Variants in FIP1L1 observed in about 807,000 individuals in gnomAD.
FIP1L1 encodes the protein pre-mRNA 3'-end-processing factor FIP1.
A neutral mutation model predicts 84.6 loss-of-function variants in FIP1L1; 21 were observed. The observed-to-expected ratio is 0.25, with a 90% CI of 0.18 to 0.36. The LOEUF (loss-of-function observed/expected upper bound fraction) is 0.36, where lower values mean the gene tolerates loss of function less well. Ranked by LOEUF, FIP1L1 falls within the 10% of genes least tolerant of loss-of-function variation. The pLI, the probability that FIP1L1 is intolerant of heterozygous loss-of-function variation, is 1.00. For synonymous variants in FIP1L1, 263 were observed against 242.3 expected, an observed-to-expected ratio of 1.09 and a Z score of -0.80; for missense variants, 526 against 751.1, an observed-to-expected ratio of 0.70 and a Z score of 3.50.
At chr4:53,381,888 G>A (rs148023513) in intron 3 of FIP1L1, among the ~76,000 whole-genome samples, 14 of 150,136 alleles carry the variant, frequency 9.3e-5, no homozygotes, top group African/African-American at 1.7e-4. Flanking sequence ...TCAGCCTTCC[G>A]AGTAGCTGGG....
Position 53,416,704 on chromosome 4 carries a change from C to T in FIP1L1, c.923+1982C>T, listed in dbSNP as rs1406455107. Reference sequence around the variant, plus strand: ...AATAGGCCAGGTGTGGTGGCTCACACATGTAATCCCAGCACTTTGGGAGAC... The same window carrying T: ...AATAGGCCAGGTGTGGTGGCTCACATATGTAATCCCAGCACTTTGGGAGAC... On this transcript the variant is annotated intron_variant, in intron 11 of 17. Transcript: ENST00000337488. 3.3e-5 allele frequency among the ~76,000 whole-genome samples: 5 copies of T among 152,180 alleles called. No homozygotes were observed. In the East Asian group the frequency reaches 5.8e-4, roughly 18 times the overall value.
At chr4:53,428,463 T>C (rs1765215316) in intron 13 of FIP1L1, among the ~76,000 whole-genome samples, 1 of 152,218 alleles carries the variant, frequency 6.6e-6, no homozygotes, top group South Asian at 2.1e-4. Context: ...ATAGAATATG[T>C]ATAAATCCAT....
chr4:53,420,804 A>T (rs1042375744), intron 11 of FIP1L1, among the ~76,000 whole-genome samples: 2 of 152,166 alleles, frequency 1.3e-5, no homozygotes, highest in Admixed American at 1.3e-4. Context: ...AAACTAAAAG[A>T]TCTGTAGAAA....
chr4:53,418,176 C>T (rs911253938), intron 11 of FIP1L1, among the ~76,000 whole-genome samples: 1 of 152,110 alleles, frequency 6.6e-6, no homozygotes, highest in African/African-American at 2.4e-5. Context: ...GTGGCCCCAG[C>T]TACCTGGGAG....
In FIP1L1 at chr4:53,440,219, T is replaced by G. The variant is rs201198179; in HGVS notation, c.1175-2434T>G. Among the ~76,000 whole-genome samples, 3 of 152,168 alleles carry G rather than the reference T, an allele frequency of 2.0e-5. No individual in the cohort carries two copies. In the East Asian group the frequency reaches 5.8e-4, roughly 29 times the overall value. On this transcript the variant is annotated intron_variant, in intron 13 of 17. Coordinates refer to ENST00000337488, the MANE Select transcript of FIP1L1 (RefSeq NM_030917.4). ...TTAGAGAAAGAACCCACAGATCAGT[T>G]TTTCTATTAAAATGTTAAAATAACA...
At chr4:53,416,274 G>C (rs1759456845) in intron 11 of FIP1L1, among the ~76,000 whole-genome samples, 1 of 152,170 alleles carries the variant, frequency 6.6e-6, no homozygotes, top group South Asian at 2.1e-4. Flanking sequence ...CAGACAACAA[G>C]AACTTATAAA....
intron 10 of FIP1L1, among the ~76,000 whole-genome samples, chr4:53,406,571 T>G (rs573543802): frequency 6.6e-6 from 1 of 152,296 alleles, no homozygotes; most frequent in South Asian, 2.1e-4. Flanking sequence ...TTGGAATAGT[T>G]TCAGAAGGAA....
chr4:53,380,959 C>CT (rs1462210446), intron 3 of FIP1L1, among the ~76,000 whole-genome samples: 3 of 152,074 alleles, frequency 2.0e-5, no homozygotes, highest in Non-Finnish European at 4.4e-5. Context: ...ATCAAACATT[C>CT]TTTAATTTTA....
chr4:53,415,824 A>G (rs150711220), intron 11 of FIP1L1, among the ~76,000 whole-genome samples: 11 of 152,290 alleles, frequency 7.2e-5, no homozygotes, highest in African/African-American at 2.4e-4. Flanking sequence ...ATCTCAAAGT[A>G]AGAATGTCTA....
chr4:53,408,696 T>A (rs1398710394), intron 10 of FIP1L1, among the ~76,000 whole-genome samples: 4 of 152,148 alleles, frequency 2.6e-5, no homozygotes, highest in African/African-American at 9.7e-5. Flanking sequence ...GTTCGTTTCT[T>A]TTTATTCTTT....
At chr4:53,377,953 G>C in intron 1 of FIP1L1, 30 bp downstream of exon 1, 2 of 1,535,744 alleles carry the variant, frequency 1.3e-6, no homozygotes, top group Non-Finnish European at 1.8e-6. Flanking sequence ...TGTCTCTCGG[G>C]TTCTCTCAGG....
intron 4 of FIP1L1, 114 bp from the exon 5 acceptor site, chr4:53,383,659 C>G: frequency 9.5e-7 from 1 of 1,054,286 alleles, no homozygotes; most frequent in Non-Finnish European, 1.3e-6. Flanking sequence ...GAGAGTCTGT[C>G]TCAAGACAGA....
At chr4:53,407,315 C>T (rs1463855015) in intron 10 of FIP1L1, among the ~76,000 whole-genome samples, 6 of 152,028 alleles carry the variant, frequency 3.9e-5, no homozygotes, top group South Asian at 4.2e-4. Context: ...TGTAGTTGAG[C>T]GGTTCTGAGT....
intron 5 of FIP1L1, among the ~76,000 whole-genome samples, chr4:53,385,982 CTG>C (rs1560487372): frequency 6.6e-6 from 1 of 150,854 alleles, no homozygotes; most frequent in Non-Finnish European, 1.5e-5. Flanking sequence ...AAAGAACAAA[CTG>C]TGTCCAAGGA....
At chr4:53,392,225 T>C (rs1744625602) in intron 9 of FIP1L1, among the ~76,000 whole-genome samples, 1 of 152,256 alleles carries the variant, frequency 6.6e-6, no homozygotes. Flanking sequence ...AGTTGACTCT[T>C]ATATTGAATG....
rs1352219878 is a variant in FIP1L1, at chr4:53,388,356, TTGA to T, written c.333-1452_333-1450del. On this transcript the variant is annotated intron_variant, in intron 5 of 17. Coordinates refer to ENST00000337488, the MANE Select transcript of FIP1L1 (RefSeq NM_030917.4). The stretch of plus-strand genomic sequence containing the variant: ...GTCTTACTGATATCTTTTTTTTTTT[TTGA>T]GATAGAGTCTCGCTCTTTTGCCCAG... 5.5e-3 allele frequency among the ~76,000 whole-genome samples: 840 copies of T among 152,186 alleles called. 5 individuals are homozygous for T. Among genetic ancestry groups the T allele is most frequent in the African/African-American group, 0.019 (790 of 41,522 alleles).
At chr4:53,403,168 T>TA in intron 10 of FIP1L1, among the ~76,000 whole-genome samples, 1 of 152,220 alleles carries the variant, frequency 6.6e-6, no homozygotes, top group East Asian at 1.9e-4. Context: ...AGAGAAACCT[T>TA]TTTTTTCAAG....
intron 15 of FIP1L1, among the ~76,000 whole-genome samples, chr4:53,452,357 C>A (rs1190336945): frequency 1.4e-4 from 21 of 150,998 alleles, no homozygotes; most frequent in Admixed American, 1.4e-3. Flanking sequence ...CTCACTCTGT[C>A]GCCCAGGCTA....
rs147730137 is a variant in FIP1L1, at chr4:53,460,533, G to GTAAAT, written c.*1089_*1093dup. On this transcript the variant is annotated 3_prime_UTR_variant, in exon 18 of 18. Coordinates refer to ENST00000337488, the MANE Select transcript of FIP1L1 (RefSeq NM_030917.4). ...ATGCATTTTAAAAAATATTTTAGCT[G>GTAAAT]TAAATTAAAAATGGCCATAATGTAC... The GTAAAT allele has an allele frequency of 5.1e-3, 1,061 of 209,846 alleles. 13 individuals carry two copies. Among genetic ancestry groups the GTAAAT allele is most frequent in the African/African-American group, 0.023 (1,006 of 43,996 alleles). 13.0% of individuals were successfully genotyped at this position (209,846 alleles called of 1,614,324 possible). A position where few individuals can be genotyped will look rare whatever the true frequency, so the allele number is the denominator to read the frequency against.
Sources: gnomAD v4.1 joint callset for allele counts (sites outside exome capture counted in the v4.1 genomes callset) on GRCh38, gnomAD v4.1.1 for gene constraint, MANE v1.5 for transcripts, NCBI Gene and HGNC (gene_info 2026-07-23, HGNC 2026-07-21) for gene names.